Variants in LRP1B observed in about 807,000 individuals in gnomAD.
The protein encoded by LRP1B is low-density lipoprotein receptor-related protein 1B.
LRP1B carries 217 observed loss-of-function variants against 556.6 expected under a neutral mutation model. That is an observed-to-expected ratio of 0.39 (90% CI 0.35 to 0.44). The LOEUF (loss-of-function observed/expected upper bound fraction) is 0.44. Among genes scored for constraint, LRP1B ranks in the 20% least tolerant of loss-of-function variants. The pLI, the probability that LRP1B is intolerant of heterozygous loss-of-function variation, is 1.00. For synonymous variants in LRP1B, 2,047 were observed against 1,865.8 expected, an observed-to-expected ratio of 1.10 and a Z score of -2.50; for missense variants, 5,053 against 5,620.8, an observed-to-expected ratio of 0.90 and a Z score of 3.23.
intron 32 of LRP1B, among the ~76,000 whole-genome samples, chr2:140,799,842 C>T (rs1012409331): frequency 2.7e-4 from 41 of 152,154 alleles, no homozygotes; most frequent in Admixed American, 5.9e-4. Flanking sequence ...ATGCAGAAGA[C>T]GGGTGATTTC....
intron 1 of LRP1B, among the ~76,000 whole-genome samples, chr2:141,938,997 G>A (rs572553937): frequency 1.3e-5 from 2 of 152,058 alleles, no homozygotes; most frequent in South Asian, 2.1e-4. Flanking sequence ...GGCTTGGAGG[G>A]GAGAGTTATG....
At chr2:140,478,112 T>A (rs1688046777) in intron 59 of LRP1B, among the ~76,000 whole-genome samples, 1 of 151,934 alleles carries the variant, frequency 6.6e-6, no homozygotes, top group African/African-American at 2.4e-5. Flanking sequence ...ACGTTTTATT[T>A]CTTTCAGATT....
intron 86 of LRP1B, among the ~76,000 whole-genome samples, chr2:140,252,840 A>G (rs1056259459): frequency 2.0e-5 from 3 of 152,196 alleles, no homozygotes; most frequent in Admixed American, 6.6e-5. Context: ...GATGTATCTA[A>G]TATATCTTTA....
intron 3 of LRP1B, among the ~76,000 whole-genome samples, chr2:141,400,962 T>C (rs1690430143): frequency 6.6e-6 from 1 of 152,202 alleles, no homozygotes; most frequent in Admixed American, 6.5e-5. Context: ...TACTCTCCTT[T>C]TCCAATACTT....
At chr2:141,608,413 C>T (rs1032674792) in intron 2 of LRP1B, among the ~76,000 whole-genome samples, 2 of 152,136 alleles carry the variant, frequency 1.3e-5, no homozygotes, top group Non-Finnish European at 2.9e-5. Context: ...ATGAATAATT[C>T]ATCTTCCAGA....
At chr2:141,810,136 A>AGAAAGAAG in intron 2 of LRP1B, 143 bp downstream of exon 2, 1 of 483,502 alleles carries the variant, frequency 2.1e-6, no homozygotes, top group Non-Finnish European at 3.4e-6. Flanking sequence ...AAAGAAAGAA[A>AGAAAGAAG]GAAAGAAAGA....
At chr2:141,937,195 G>A (rs1021550405) in intron 1 of LRP1B, among the ~76,000 whole-genome samples, 3 of 151,912 alleles carry the variant, frequency 2.0e-5, no homozygotes, top group African/African-American at 7.2e-5. Flanking sequence ...TGAGACCACG[G>A]TGAAACCCCA....
intron 1 of LRP1B, among the ~76,000 whole-genome samples, chr2:142,081,167 G>A (rs1286664925): frequency 1.3e-5 from 2 of 152,014 alleles, no homozygotes; most frequent in Non-Finnish European, 2.9e-5. Flanking sequence ...GAGTTACAAA[G>A]CTTTATTTTT....
At chr2:141,460,693 TG>T (rs1320181220) in intron 3 of LRP1B, among the ~76,000 whole-genome samples, 2 of 152,152 alleles carry the variant, frequency 1.3e-5, no homozygotes, top group African/African-American at 4.8e-5. Flanking sequence ...ACAAGATAAT[TG>T]TGGTTTCAAC....
chr2:141,769,053 T>G (rs575213237), intron 2 of LRP1B, among the ~76,000 whole-genome samples: 1 of 152,286 alleles, frequency 6.6e-6, no homozygotes, highest in South Asian at 2.1e-4. Flanking sequence ...AGATGAGAGA[T>G]GACAACTATC....
At chr2:140,504,594 T>C (rs1689328148) in intron 53 of LRP1B, among the ~76,000 whole-genome samples, 1 of 152,180 alleles carries the variant, frequency 6.6e-6, no homozygotes, top group South Asian at 2.1e-4. Flanking sequence ...TAACACCTCA[T>C]ATTCAAAAGA....
rs1417002301 is a variant in LRP1B, at chr2:140,338,667, AATTT to A, written c.11893-2833_11893-2830del. Among the ~76,000 whole-genome samples, 5 of 151,776 alleles carry A rather than the reference AATTT, an allele frequency of 3.3e-5. No individual in the cohort carries two copies. The East Asian group carries it at 9.7e-4, about 30-fold the overall frequency. ...TTGGATCTTCATATTATGATCACAC[AATTT>A]ATTTAAGGAGAGTTACCAAAATCAA... On this transcript the variant is annotated intron_variant, in intron 77 of 90. Transcript: ENST00000389484.
At chr2:141,775,993 T>C (rs1441143875) in intron 2 of LRP1B, among the ~76,000 whole-genome samples, 1 of 150,522 alleles carries the variant, frequency 6.6e-6, no homozygotes, top group African/African-American at 2.5e-5. Context: ...CAGGTGCCCG[T>C]CATCACGCCA....
At chr2:141,665,210 C>G (rs1159160024) in intron 2 of LRP1B, among the ~76,000 whole-genome samples, 2 of 151,960 alleles carry the variant, frequency 1.3e-5, no homozygotes, top group African/African-American at 2.4e-5. Context: ...TATTCAGAAC[C>G]TACAAGGAAT....
chr2:141,562,506 G>A (rs972325148), intron 2 of LRP1B, among the ~76,000 whole-genome samples: 1 of 151,902 alleles, frequency 6.6e-6, no homozygotes, highest in African/African-American at 2.4e-5. Context: ...TAAACCTGAT[G>A]TCTGCATTTG....
At chr2:141,354,974 A>C (rs1450944323) in intron 3 of LRP1B, among the ~76,000 whole-genome samples, 1 of 152,008 alleles carries the variant, frequency 6.6e-6, no homozygotes, top group Non-Finnish European at 1.5e-5. Context: ...AGTTTGTATA[A>C]CTCATTTTCC....
In LRP1B at chr2:140,997,658, T is replaced by C. The variant is rs1697285986; in HGVS notation, c.2504-3523A>G. Among the ~76,000 whole-genome samples the C allele has an allele frequency of 1.3e-5, 2 of 151,990 alleles. 1 individual carries two copies. The highest frequency in any genetic ancestry group is 4.1e-4 in the South Asian group (2 of 4,830). On this transcript the variant is annotated intron_variant, in intron 15 of 90. Transcript: ENST00000389484. ...CAAAAAAAATAAAATAAAATGTCTT[T>C]CTATTATTTCTGCTTATCTAATATT...
intron 1 of LRP1B, among the ~76,000 whole-genome samples, chr2:141,938,668 GC>G (rs1558973779): frequency 6.6e-6 from 1 of 152,066 alleles, no homozygotes; most frequent in African/African-American, 2.4e-5. Flanking sequence ...ATTCACAATA[GC>G]CAAAATATGG....
rs879255830 is a variant in LRP1B at position 140,982,017 on chromosome 2, A to G, written c.2887+143T>C. ...TCATTAAAGCGCACAATCAGGTCCA[A>G]AAGTTTGTAACAAAAATGCCATATC... is the stretch of plus-strand genomic sequence containing the variant. On this transcript the variant is annotated intron_variant, in intron 18 of 90. Coordinates refer to ENST00000389484, the MANE Select transcript of LRP1B (RefSeq NM_018557.3). 3 of 599,162 alleles carry G rather than the reference A, an allele frequency of 5.0e-6. No homozygotes were observed. In the East Asian group the frequency reaches 8.2e-5, roughly 16 times the overall value. The allele number at this position is 599,162 out of a possible 1,614,324, so 37.1% of individuals were successfully genotyped here.
Sources: allele counts gnomAD v4.1 joint callset (sites outside exome capture counted in the v4.1 genomes callset), GRCh38; gene constraint gnomAD v4.1.1; transcripts MANE v1.5; gene names NCBI Gene and HGNC (gene_info 2026-07-23, HGNC 2026-07-21).